The following KLHL6 variants were observed in gnomAD, a reference collection of about 807,000 sequenced individuals.
The protein encoded by KLHL6 is kelch like family member 6.
KLHL6 carries 41 observed loss-of-function variants against 58.6 expected under a neutral mutation model. That is an observed-to-expected ratio of 0.70 (90% confidence interval 0.55 to 0.91). KLHL6 has a LOEUF of 0.91. Ranked by LOEUF, KLHL6 falls within the 40% of genes least tolerant of loss-of-function variation. KLHL6 has a pLI of 0.00. For missense variants in KLHL6, 714 were observed against 805.6 expected, an observed-to-expected ratio of 0.89 and a Z score of 1.38; for synonymous variants, 338 against 322.7, an observed-to-expected ratio of 1.05 and a Z score of -0.51.
intron 1 of KLHL6, among the ~76,000 whole-genome samples, chr3:183,554,497 C>T (rs754098361): frequency 6.6e-6 from 1 of 152,172 alleles, no homozygotes; most frequent in Non-Finnish European, 1.5e-5. Flanking sequence ...GGAACCAAGT[C>T]TCCTGACTTC....
At chr3:183,539,719 A>C (rs1459071607) in intron 1 of KLHL6, among the ~76,000 whole-genome samples, 15 of 151,582 alleles carry the variant, frequency 9.9e-5, no homozygotes, top group Non-Finnish European at 2.2e-4. Context: ...AAAAAAAAAA[A>C]ACAAAAAAAC....
chr3:183,532,178 G>A lies in KLHL6; in HGVS notation c.294-4168C>T, dbSNP rs559760400. ...CATAAGGGTGGATCTCAATTTGATA[G>A]GATTCGTGTCCTTATAAGAACAGAA... On this transcript the variant is annotated intron_variant, in intron 1 of 6. Coordinates refer to ENST00000341319, the MANE Select transcript of KLHL6 (RefSeq NM_130446.4). Among the ~76,000 whole-genome samples, 3 of 152,188 alleles carry A rather than the reference G, an allele frequency of 2.0e-5. No homozygotes were observed. In the South Asian group the frequency reaches 6.2e-4, roughly 32 times the overall value.
intron 1 of KLHL6, among the ~76,000 whole-genome samples, chr3:183,543,174 C>A (rs543036526): frequency 6.6e-6 from 1 of 152,150 alleles, no homozygotes; most frequent in African/African-American, 2.4e-5. Context: ...GTAATCCCAG[C>A]TACTCTGGAG....
intron 2 of KLHL6, among the ~76,000 whole-genome samples, chr3:183,524,432 T>C (rs1711878013): frequency 6.6e-6 from 1 of 152,202 alleles, no homozygotes; most frequent in African/African-American, 2.4e-5. Context: ...GCCAATGCAT[T>C]ACGGCCAGAT....
chr3:183,533,138 T>C (rs903480736), intron 1 of KLHL6, among the ~76,000 whole-genome samples: 5 of 152,170 alleles, frequency 3.3e-5, no homozygotes, highest in African/African-American at 1.2e-4. Flanking sequence ...GCTCTGGTGA[T>C]GTAATTCCAA....
At chr3:183,494,423 G>A (rs775023995) in intron 4 of KLHL6, 142 bp from the exon 5 acceptor site, 23 of 665,338 alleles carry the variant, frequency 3.5e-5, no homozygotes, top group Non-Finnish European at 5.5e-5. Flanking sequence ...CAGCAGGTGT[G>A]TGATGTCTGG....
chr3:183,507,516 C>T (rs1371595186), intron 3 of KLHL6, among the ~76,000 whole-genome samples: 2 of 152,150 alleles, frequency 1.3e-5, no homozygotes, highest in Non-Finnish European at 2.9e-5. Flanking sequence ...ACTACAACCT[C>T]TGCCTCCCGG....
At chr3:183,509,651 G>T in intron 2 of KLHL6, among the ~76,000 whole-genome samples, 1 of 152,118 alleles carries the variant, frequency 6.6e-6, no homozygotes, top group South Asian at 2.1e-4. Flanking sequence ...GAGACATGCT[G>T]GTCCCATGAC....
chr3:183,516,225 G>A (rs1316930005), intron 2 of KLHL6, among the ~76,000 whole-genome samples: 1 of 152,190 alleles, frequency 6.6e-6, no homozygotes, highest in Non-Finnish European at 1.5e-5. Context: ...GAGGGGTGTA[G>A]GGCAACATCA....
In KLHL6 at chr3:183,548,372, C is replaced by T. The variant is rs866172331; in HGVS notation, c.293+6989G>A. ...AGGGGTTATCAGGCTTTTCTCTGCC[C>T]TGTCTCATGACTGGCCCTTCCTTCA... On this transcript the variant is annotated intron_variant, in intron 1 of 6. Coordinates refer to ENST00000341319, the MANE Select transcript of KLHL6 (RefSeq NM_130446.4). 2.0e-5 allele frequency among the ~76,000 whole-genome samples: 3 copies of T among 152,192 alleles called. No homozygotes were observed. The South Asian group carries it at 6.2e-4, about 31-fold the overall frequency.
intron 2 of KLHL6, among the ~76,000 whole-genome samples, chr3:183,515,772 T>C (rs1048437195): frequency 2.6e-5 from 4 of 152,166 alleles, no homozygotes; most frequent in South Asian, 2.1e-4. Context: ...TTCTAGGTCA[T>C]ACTTGGGTAT....
chr3:183,554,265 A>G (rs760069074), intron 1 of KLHL6, among the ~76,000 whole-genome samples: 3 of 152,162 alleles, frequency 2.0e-5, no homozygotes, highest in Admixed American at 6.6e-5. Context: ...GAAACACTCA[A>G]TAAGTCATCC....
chr3:183,506,761 G>A (rs542940345), intron 3 of KLHL6, among the ~76,000 whole-genome samples: 2 of 151,956 alleles, frequency 1.3e-5, no homozygotes, highest in South Asian at 2.1e-4. Flanking sequence ...CTGGGAGGTC[G>A]AGGCTGCAGT....
At chr3:183,527,700 G>A (rs1371919138) in intron 2 of KLHL6, 145 bp downstream of exon 2, 5 of 390,076 alleles carry the variant, frequency 1.3e-5, no homozygotes, top group South Asian at 8.1e-5. Context: ...AGGGGTGTGC[G>A]TGTGTGTGTG....
At chr3:183,529,707 C>A (rs1712095308) in intron 1 of KLHL6, among the ~76,000 whole-genome samples, 1 of 151,876 alleles carries the variant, frequency 6.6e-6, no homozygotes, top group African/African-American at 2.4e-5. Flanking sequence ...ATCTCTTGAA[C>A]CCAGGAGGCA....
At chr3:183,541,221 G>C (rs1454308220) in intron 1 of KLHL6, among the ~76,000 whole-genome samples, 1 of 152,206 alleles carries the variant, frequency 6.6e-6, no homozygotes, top group Non-Finnish European at 1.5e-5. Context: ...GATCCTATGT[G>C]CGTTCTAGGC....
In KLHL6 at chr3:183,495,129, T is replaced by C. The variant is rs945682415; in HGVS notation, c.1148-848A>G. Among the ~76,000 whole-genome samples the C allele has an allele frequency of 2.6e-5, 4 of 152,206 alleles. No homozygotes were observed. In the South Asian group the frequency reaches 6.2e-4, roughly 24 times the overall value. The stretch of plus-strand genomic sequence containing the variant: ...GTGTGCAATAGTGGAGAAATGAACA[T>C]TACTGACCACATTCTGTGTCAGGGG... On this transcript the variant is annotated intron_variant, in intron 4 of 6. Transcript: ENST00000341319.
At chr3:183,503,828 G>C (rs1717933134) in intron 3 of KLHL6, among the ~76,000 whole-genome samples, 2 of 152,218 alleles carry the variant, frequency 1.3e-5, no homozygotes, top group Non-Finnish European at 2.9e-5. Context: ...ATGATGATAG[G>C]ACAAGAGGGT....
chr3:183,553,403 G>A (rs1017771581), intron 1 of KLHL6, among the ~76,000 whole-genome samples: 4 of 152,176 alleles, frequency 2.6e-5, no homozygotes, highest in Non-Finnish European at 4.4e-5. Context: ...CACACAGCCA[G>A]CGGGCCTGGT....
Sources: allele counts gnomAD v4.1 joint callset (sites outside exome capture counted in the v4.1 genomes callset), GRCh38; gene constraint gnomAD v4.1.1; transcripts MANE v1.5; gene names NCBI Gene and HGNC (gene_info 2026-07-23, HGNC 2026-07-21).